Variants in ARHGAP6 observed in about 807,000 individuals in gnomAD.
The protein encoded by ARHGAP6 is rho GTPase-activating protein 6.
Under a neutral mutation model 55.7 loss-of-function variants are expected in ARHGAP6, and 16 were observed. That is an observed-to-expected ratio of 0.29 (90% confidence interval 0.19 to 0.44). The LOEUF (loss-of-function observed/expected upper bound fraction) is 0.44, where lower values mean the gene tolerates loss of function less well. Among genes scored for constraint, ARHGAP6 ranks in the 20% least tolerant of loss-of-function variants. The pLI, the probability that ARHGAP6 is intolerant of heterozygous loss-of-function variation, is 1.00. For synonymous variants in ARHGAP6, 382 were observed against 360.9 expected (o/e 1.06, Z -0.66); for missense variants, 698 against 808.9 (o/e 0.86, Z 1.66).
intron 1 of ARHGAP6, among the ~76,000 whole-genome samples, chrX:11,326,455 C>T (rs1461176546): frequency 1.8e-5 from 2 of 110,471 alleles, no homozygotes; most frequent in Non-Finnish European, 1.9e-5. Context: ...CTATGGAAAG[C>T]GGAATTTAAA....
chrX:11,366,795 A>G (rs2049085125), intron 1 of ARHGAP6, among the ~76,000 whole-genome samples: 1 of 112,077 alleles, frequency 8.9e-6, no homozygotes, highest in Admixed American at 9.5e-5. Flanking sequence ...TACAATGGAT[A>G]TCTCCTACCT....
rs558013069 is a variant in ARHGAP6 at position 11,506,531 on chromosome X, G to T, written c.588+157710C>A. ...TTGCGATAGTTTGCTCAGAATGATG[G>T]ATTCCAGCTTCACCTATGTCCCTGC... On this transcript the variant is annotated intron_variant, in intron 1 of 12. Coordinates refer to ENST00000337414, the MANE Select transcript of ARHGAP6 (RefSeq NM_013427.3). Among the ~76,000 whole-genome samples, 19 of 111,280 alleles carry T rather than the reference G, an allele frequency of 1.7e-4. No individual in the cohort carries two copies. The South Asian group carries it at 6.9e-3, about 41-fold the overall frequency.
chrX:11,521,976 T>G (rs752057707), intron 1 of ARHGAP6, among the ~76,000 whole-genome samples: 6 of 111,559 alleles, frequency 5.4e-5, no homozygotes, highest in Non-Finnish European at 7.5e-5. Flanking sequence ...TATTGGTGTA[T>G]AAGAATGCTT....
At chrX:11,441,754 A>T (rs955810763) in intron 1 of ARHGAP6, among the ~76,000 whole-genome samples, 5 of 111,518 alleles carry the variant, frequency 4.5e-5, no homozygotes, top group Non-Finnish European at 9.4e-5. Context: ...ATTTCTTTTT[A>T]AAAAATGATC....
chrX:11,388,920 C>T (rs188149007), intron 1 of ARHGAP6, among the ~76,000 whole-genome samples: 1 of 111,892 alleles, frequency 8.9e-6, no homozygotes, highest in Non-Finnish European at 1.9e-5. Context: ...ATTCACTCAG[C>T]CACAAAATAA....
At chrX:11,350,649 CA>C (rs1452566451) in intron 1 of ARHGAP6, among the ~76,000 whole-genome samples, 5 of 111,615 alleles carry the variant, frequency 4.5e-5, no homozygotes, top group Non-Finnish European at 7.5e-5. Context: ...TCTACTGTCC[CA>C]AACAGAATGA....
intron 1 of ARHGAP6, among the ~76,000 whole-genome samples, chrX:11,277,624 A>AATCC (rs769085943): frequency 9.0e-6 from 1 of 111,109 alleles, no homozygotes; most frequent in South Asian, 3.8e-4. Context: ...TAAGGAACAC[A>AATCC]ATCCTTCAGT....
intron 8 of ARHGAP6, among the ~76,000 whole-genome samples, chrX:11,174,276 T>C (rs2046136629): frequency 8.9e-6 from 1 of 111,990 alleles, no homozygotes; most frequent in Admixed American, 9.4e-5. Flanking sequence ...ACCTCCTCCA[T>C]GAAGCCATTC....
In ARHGAP6 at chrX:11,178,264, A is replaced by G; in HGVS notation, c.1481-16T>C. 4.2e-6 allele frequency: 5 copies of G among 1,190,398 alleles called. No homozygotes were observed. Among genetic ancestry groups the G allele is most frequent in the Non-Finnish European group, 5.7e-6 (5 of 884,368 alleles). ...GGCTCCAACACTAAGCAAGGCAAAA[A>G]GAGGTACTCAAATAAAAGGGGAGCC... On this transcript the variant is annotated splice_polypyrimidine_tract_variant and intron_variant, in intron 7 of 12. Coordinates refer to ENST00000337414, the MANE Select transcript of ARHGAP6 (RefSeq NM_013427.3).
At chrX:11,584,034 G>A (rs1181687353) in intron 1 of ARHGAP6, among the ~76,000 whole-genome samples, 1 of 111,737 alleles carries the variant, frequency 8.9e-6, no homozygotes, top group Non-Finnish European at 1.9e-5. Context: ...CTATGCCAAA[G>A]TGTTATTATA....
At chrX:11,324,514 G>A (rs188904839) in intron 1 of ARHGAP6, among the ~76,000 whole-genome samples, 2 of 106,980 alleles carry the variant, frequency 1.9e-5, no homozygotes, top group African/African-American at 3.4e-5. Context: ...GCAATTTTGT[G>A]AGAGTCTCTA....
At chrX:11,595,898 C>T (rs1279745038) in intron 1 of ARHGAP6, among the ~76,000 whole-genome samples, 1 of 111,688 alleles carries the variant, frequency 9.0e-6, no homozygotes, top group Non-Finnish European at 1.9e-5. Flanking sequence ...GTTAGAATGG[C>T]GATCATTGAA....
intron 1 of ARHGAP6, among the ~76,000 whole-genome samples, chrX:11,285,820 A>G (rs959513983): frequency 8.9e-6 from 1 of 112,181 alleles, no homozygotes; most frequent in African/African-American, 3.2e-5. Flanking sequence ...TCACACTTAT[A>G]TTTTCTGAAA....
chrX:11,582,898 A>G (rs1479942486), intron 1 of ARHGAP6, among the ~76,000 whole-genome samples: 1 of 111,692 alleles, frequency 9.0e-6, no homozygotes, highest in Non-Finnish European at 1.9e-5. Context: ...TTTGTGAATT[A>G]TACCTCAATA....
chrX:11,230,106 A>G (rs2047105952), intron 2 of ARHGAP6, among the ~76,000 whole-genome samples: 1 of 112,351 alleles, frequency 8.9e-6, no homozygotes, highest in African/African-American at 3.2e-5. Context: ...TGAGAGTTCT[A>G]TTATACATAC....
chrX:11,165,240 G>A (rs901435002), intron 9 of ARHGAP6, among the ~76,000 whole-genome samples: 5 of 111,932 alleles, frequency 4.5e-5, no homozygotes, highest in Admixed American at 9.4e-5. Flanking sequence ...TAGGTGGTAT[G>A]AATGTCAGTG....
At chrX:11,610,814 T>A (rs184335577) in intron 1 of ARHGAP6, among the ~76,000 whole-genome samples, 1 of 112,003 alleles carries the variant, frequency 8.9e-6, no homozygotes, top group Non-Finnish European at 1.9e-5. Flanking sequence ...TTAGCATTCA[T>A]GCCCCATCCC....
At position 11,350,745 on chromosome X, in the gene ARHGAP6, T is replaced by C. The variant is rs1355366351; in HGVS notation, c.589-96038A>G. Among the ~76,000 whole-genome samples, 8 of 111,943 alleles carry C rather than the reference T, an allele frequency of 7.1e-5. No homozygotes were observed. In the East Asian group the frequency reaches 1.4e-3, roughly 19 times the overall value. ...TTCCCTTTGGGTCATATGTACCCCA[T>C]AAGATAACTTTAAAGCAGCACTTAC... On this transcript the variant is annotated intron_variant, in intron 1 of 12. Transcript: ENST00000337414.
At chrX:11,276,191 C>G (rs1297444328) in intron 1 of ARHGAP6, among the ~76,000 whole-genome samples, 1 of 111,310 alleles carries the variant, frequency 9.0e-6, no homozygotes, top group African/African-American at 3.3e-5. Flanking sequence ...TACGTCCCTC[C>G]TATGTAACCA....
Sources: allele counts gnomAD v4.1 joint callset (sites outside exome capture counted in the v4.1 genomes callset), GRCh38; gene constraint gnomAD v4.1.1; transcripts MANE v1.5; gene names NCBI Gene and HGNC (gene_info 2026-07-23, HGNC 2026-07-21).